PCNX4: variants seen among roughly 807,000 people sequenced by gnomAD.
PCNX4 encodes the protein pecanex-like protein 4.
Under a neutral mutation model 107.2 loss-of-function variants are expected in PCNX4, and 103 were observed. That is an observed-to-expected ratio of 0.96 (90% CI 0.82 to 1.13). PCNX4 has a LOEUF of 1.13. Among genes scored for constraint, PCNX4 ranks in the 50% most tolerant of loss-of-function variants. The pLI is 0.00. For missense variants in PCNX4, 1,528 were observed against 1,379.4 expected (o/e 1.11, Z -1.71); for synonymous variants, 541 against 481.7 (o/e 1.12, Z -1.61).
intron 2 of PCNX4, chr14:60,110,907 T>C (rs1424624585): frequency 3.0e-5 from 5 of 167,096 alleles, no homozygotes; most frequent in African/African-American, 7.2e-5. Flanking sequence ...CCCCAATGTG[T>C]TGGTATTTGG....
intron 1 of PCNX4, among the ~76,000 whole-genome samples, chr14:60,095,676 G>A (rs1014846882): frequency 2.1e-4 from 32 of 151,988 alleles, no homozygotes; most frequent in Non-Finnish European, 4.6e-4. Context: ...CCTCAGGTTG[G>A]TTTTTCCTCC....
rs1223229452 is a variant in PCNX4 at position 60,146,459 on chromosome 14, A to G, written c.*12238A>G. ...ATTGAGAATGTGAACCAGTACAGAC[A>G]TTATGGAAAATACGGAAATTCCTCA... On this transcript the variant is annotated 3_prime_UTR_variant, in exon 11 of 11. Transcript: ENST00000406854. The surrounding 1 kb of genome is among the most constrained non-coding windows in gnomAD (Gnocchi z 4.9). 1 of 152,182 alleles carries G rather than the reference A, an allele frequency of 6.6e-6. No individual in the cohort carries two copies. The highest frequency in any genetic ancestry group is 2.4e-5 in the African/African-American group (1 of 41,448). The allele number at this position is 152,182 out of a possible 1,614,324, so 9.4% of individuals were successfully genotyped here.
chr14:60,134,017 A>T lies in PCNX4; in HGVS notation c.3315A>T (p.Gln1105His). 4 of 1,613,634 alleles carry T rather than the reference A, an allele frequency of 2.5e-6. No individual in the cohort carries two copies. In the Middle Eastern group the frequency reaches 4.9e-4, roughly 200 times the overall value. The change falls in exon 11 of 11, where the codon CAA (glutamine) becomes CAT (histidine). Residue 1105 changes from glutamine (Q) to histidine (H), a missense_variant. Gln to His is a conservative substitution (Grantham distance 24). Transcript: ENST00000406854. ...TTAGCCTTCAAGAATTATTGATCCA[A>T]GTGGGAAAGTTAAATCCTGAAGCTG... is the stretch of plus-strand genomic sequence containing the variant. ...RVLSLQELLIQVGKLNPEAVR... is the reference protein window; with the variant it reads ...RVLSLQELLIHVGKLNPEAVR...
intron 1 of PCNX4, among the ~76,000 whole-genome samples, chr14:60,095,795 A>C (rs1895412473): frequency 6.6e-6 from 1 of 151,952 alleles, no homozygotes; most frequent in African/African-American, 2.4e-5. Flanking sequence ...GAAGGTTAAA[A>C]AAAAAAAATA....
Position 60,092,102 on chromosome 14 carries a change from C to T in PCNX4, c.-371C>T, listed in dbSNP as rs895612127. On this transcript the variant is annotated 5_prime_UTR_variant, in exon 1 of 11. Transcript: ENST00000406854. ...TTTCCCTGCTTCCTCTAGGCCAAGC[C>T]TGCTTTACGGCAGGGCCCGCCTCGG... 4 of 152,454 alleles carry T rather than the reference C, an allele frequency of 2.6e-5. No individual in the cohort carries two copies. The highest frequency in any genetic ancestry group is 5.9e-5 in the Non-Finnish European group (4 of 68,096). The allele number at this position is 152,454 out of a possible 1,614,324, so 9.4% of individuals were successfully genotyped here.
At chr14:60,128,504 C>T (rs1426707826) in intron 10 of PCNX4, among the ~76,000 whole-genome samples, 1 of 152,136 alleles carries the variant, frequency 6.6e-6, no homozygotes, top group East Asian at 1.9e-4. Flanking sequence ...GCAAAGTGAT[C>T]TTTCAAAAAT....
In PCNX4 at chr14:60,107,813, A is replaced by G; in HGVS notation, c.175A>G (p.Thr59Ala). The change falls in exon 2 of 11, where the codon ACA becomes GCA. Residue 59 changes from threonine (T) to alanine (A), a missense_variant. Thr to Ala is a moderately conservative substitution (Grantham distance 58, BLOSUM62 0). Coordinates refer to ENST00000406854, the MANE Select transcript of PCNX4 (RefSeq NM_001330177.2). ...LMPWVWGGVG[T>A]LLYQLGILKD... ...GCCATGGGTTTGGGGTGGAGTCGGA[A>G]CACTTTTATACCAGTTAGGCATCCT... 2 of 1,612,808 alleles carry G rather than the reference A, an allele frequency of 1.2e-6. No individual in the cohort carries two copies. The highest frequency in any genetic ancestry group is 2.2e-5 in the East Asian group (1 of 44,876).
chr14:60,127,924 G>A (rs1470169135), intron 10 of PCNX4, among the ~76,000 whole-genome samples: 2 of 152,122 alleles, frequency 1.3e-5, no homozygotes, highest in Non-Finnish European at 2.9e-5. Context: ...AATGTATGTA[G>A]AGATAGAAAT....
rs993599822 is a variant in PCNX4 at position 60,092,281 on chromosome 14, T to C, written c.-192T>C. On this transcript the variant is annotated 5_prime_UTR_variant, in exon 1 of 11. Coordinates refer to ENST00000406854, the MANE Select transcript of PCNX4 (RefSeq NM_001330177.2). The stretch of plus-strand genomic sequence containing the variant: ...CCGGGCGGGGCCGCGGTGAGCTCGT[T>C]ATTCGGCCGCCGCAGCTTTTCTGCC... The C allele has an allele frequency of 3.9e-5, 6 of 152,242 alleles. No individual in the cohort carries two copies. Among genetic ancestry groups the C allele is most frequent in the Non-Finnish European group, 7.3e-5 (5 of 68,056 alleles). The allele number at this position is 152,242 out of a possible 1,614,324, so 9.4% of individuals were successfully genotyped here.
intron 8 of PCNX4, among the ~76,000 whole-genome samples, chr14:60,122,382 G>A (rs1321505575): frequency 6.6e-6 from 1 of 151,886 alleles, no homozygotes; most frequent in Non-Finnish European, 1.5e-5. Context: ...TCCCTCTTTG[G>A]CCTTTATTGC....
chr14:60,113,973 T>C (rs1895788587), intron 2 of PCNX4, among the ~76,000 whole-genome samples: 1 of 152,238 alleles, frequency 6.6e-6, no homozygotes, highest in Non-Finnish European at 1.5e-5. Context: ...GTAGAAGTAG[T>C]CACTACTTTA....
rs1478314139 is a variant in PCNX4, at chr14:60,115,708, TTTTG to T, written c.1358-7_1358-4del. ...CCTTAATTAAATTTCTCTCTTTTTG[TTTTG>T]TTTTAGTATCACCTTTTGCCATGAT... On this transcript the variant is annotated splice_region_variant and splice_polypyrimidine_tract_variant and intron_variant, in intron 4 of 10. Coordinates refer to ENST00000406854, the MANE Select transcript of PCNX4 (RefSeq NM_001330177.2). The T allele has an allele frequency of 1.6e-5, 26 of 1,602,064 alleles. No individual in the cohort carries two copies. Among genetic ancestry groups the T allele is most frequent in the Non-Finnish European group, 2.0e-5 (24 of 1,172,408 alleles).
rs1415719533 is a variant in PCNX4, at chr14:60,139,077, A to G, written c.*4856A>G. 1.3e-5 allele frequency: 2 copies of G among 152,110 alleles called. No individual in the cohort carries two copies. Among genetic ancestry groups the G allele is most frequent in the Non-Finnish European group, 2.9e-5 (2 of 67,948 alleles). The allele number at this position is 152,110 out of a possible 1,614,324, so 9.4% of individuals were successfully genotyped here. ...CAAAAAGGTAGAGAAAATATAGAAC[A>G]AATAGGACAAATAGAAATCAAACAG... On this transcript the variant is annotated 3_prime_UTR_variant, in exon 11 of 11. Coordinates refer to ENST00000406854, the MANE Select transcript of PCNX4 (RefSeq NM_001330177.2).
intron 2 of PCNX4, among the ~76,000 whole-genome samples, chr14:60,113,010 T>C (rs1035809048): frequency 3.3e-5 from 5 of 152,120 alleles, no homozygotes; most frequent in African/African-American, 1.2e-4. Flanking sequence ...GGTGAAACCC[T>C]GTCTCTACTA....
intron 1 of PCNX4, among the ~76,000 whole-genome samples, chr14:60,092,855 C>T (rs76205192): frequency 3.3e-5 from 5 of 152,212 alleles, no homozygotes; most frequent in Non-Finnish European, 5.9e-5. Flanking sequence ...CTTGTCTCTC[C>T]AGGACCAGAA....
rs1436908307 is a variant in PCNX4, at chr14:60,094,277, G to A, written c.-54+1858G>A. Among the ~76,000 whole-genome samples, 3 of 151,272 alleles carry A rather than the reference G, an allele frequency of 2.0e-5. No individual in the cohort carries two copies. In the East Asian group the frequency reaches 5.9e-4, roughly 30 times the overall value. ...CAAAAGCGTCCCATTTTTACACTTTGTAGATTCCTCTTGGACCCACTTTTC... is the reference window on the plus strand; with the variant it reads ...CAAAAGCGTCCCATTTTTACACTTTATAGATTCCTCTTGGACCCACTTTTC... On this transcript the variant is annotated intron_variant, in intron 1 of 10. Coordinates refer to ENST00000406854, the MANE Select transcript of PCNX4 (RefSeq NM_001330177.2).
At position 60,134,118 on chromosome 14, in the gene PCNX4, A is replaced by G. The variant is rs770469015; in HGVS notation, c.3416A>G (p.Gln1139Arg). 1 of 1,613,902 alleles carries G rather than the reference A, an allele frequency of 6.2e-7. No homozygotes were observed. The highest frequency in any genetic ancestry group is 8.5e-7 in the Non-Finnish European group (1 of 1,179,808). The change falls in exon 11 of 11, where the codon CAA becomes CGA. Residue 1139 changes from glutamine to arginine, a missense_variant. Coordinates refer to ENST00000406854, the MANE Select transcript of PCNX4 (RefSeq NM_001330177.2). ...TNDDEERYSI[Q>R]AHPLLLRNLT... Reference sequence around the variant, plus strand: ...GATGATGAAGAACGTTATAGTATACAAGCTCATCCACTACTTTTAAGAAAT... The same window carrying G: ...GATGATGAAGAACGTTATAGTATACGAGCTCATCCACTACTTTTAAGAAAT...
At position 60,137,081 on chromosome 14, in the gene PCNX4, A is replaced by G. The variant is rs1896249061; in HGVS notation, c.*2860A>G. ...AACTAGCAATGCCAGGCAAAATAGT[A>G]TTTTAAAATCTGCTTAAAGGCATTA... is the stretch of plus-strand genomic sequence containing the variant. On this transcript the variant is annotated 3_prime_UTR_variant, in exon 11 of 11. Coordinates refer to ENST00000406854, the MANE Select transcript of PCNX4 (RefSeq NM_001330177.2). 6.6e-6 allele frequency: 1 copy of G among 152,222 alleles called. No homozygotes were observed. The highest frequency in any genetic ancestry group is 2.4e-5 in the African/African-American group (1 of 41,460). 9.4% of individuals were successfully genotyped at this position (152,222 alleles called of 1,614,324 possible).
At position 60,124,816 on chromosome 14, in the gene PCNX4, G is replaced by T. The variant is rs760063324; in HGVS notation, c.2645G>T (p.Gly882Val). ...ENDLYKAVLLGYPAVDKGKQE... is the reference protein window; with the variant it reads ...ENDLYKAVLLVYPAVDKGKQE... ...GATCTTTACAAAGCAGTTCTATTAG[G>T]ATACCCTGCTGTTGACAAAGGAAAA... The change falls in exon 9 of 11, where the codon GGA (glycine) becomes GTA (valine). Residue 882 changes from glycine (G) to valine (V), a missense_variant. Physicochemically the swap from Gly to Val is moderately radical, Grantham distance 109. Transcript: ENST00000406854. The T allele has an allele frequency of 6.2e-7, 1 of 1,613,676 alleles. No individual in the cohort carries two copies. Among genetic ancestry groups the T allele is most frequent in the Middle Eastern group, 1.7e-4 (1 of 6,060 alleles).
Sources: allele counts gnomAD v4.1 joint callset (sites outside exome capture counted in the v4.1 genomes callset), GRCh38; gene constraint gnomAD v4.1.1; non-coding constraint Gnocchi (gnomAD v3.1); transcripts MANE v1.5; gene names NCBI Gene and HGNC (gene_info 2026-07-23, HGNC 2026-07-21).